Variants in MAPK10 observed in about 807,000 individuals in gnomAD.
MAPK10 encodes the protein mitogen-activated protein kinase 10, also known as JNK3 alpha protein kinase.
Under a neutral mutation model 59.3 loss-of-function variants are expected in MAPK10, and 25 were observed. The observed-to-expected ratio is 0.42, with a 90% CI of 0.31 to 0.59. The LOEUF (loss-of-function observed/expected upper bound fraction) is 0.59. Among genes scored for constraint, MAPK10 ranks in the 20% least tolerant of loss-of-function variants. MAPK10 has a pLI of 0.15. For missense variants in MAPK10, 351 were observed against 568.9 expected (o/e 0.62, Z 3.90); for synonymous variants, 190 against 200.5 (o/e 0.95, Z 0.44).
intron 1 of MAPK10, among the ~76,000 whole-genome samples, chr4:86,447,227 G>T (rs911739974): frequency 2.0e-5 from 3 of 152,118 alleles, no homozygotes; most frequent in African/African-American, 7.2e-5. Context: ...ATTCTGAAGA[G>T]ATCTGATGGT....
chr4:86,587,917 T>C (rs1158964957), intron 1 of MAPK10, among the ~76,000 whole-genome samples: 1 of 152,212 alleles, frequency 6.6e-6, no homozygotes, highest in Admixed American at 6.5e-5. Context: ...CTTGGTAGGC[T>C]GAGGCTGTAG....
chr4:86,571,210 C>A (rs1761419140), intron 1 of MAPK10, among the ~76,000 whole-genome samples: 1 of 146,382 alleles, frequency 6.8e-6, no homozygotes, highest in African/African-American at 2.5e-5. Flanking sequence ...TGATTGGAAT[C>A]TGTAAAAAAT....
chr4:86,093,206 G>A (rs1215554931), intron 9 of MAPK10, among the ~76,000 whole-genome samples: 1 of 151,846 alleles, frequency 6.6e-6, no homozygotes, highest in East Asian at 1.9e-4. Context: ...AAATAATTTT[G>A]AGACTATGTG....
chr4:86,350,286 C>T (rs1262779808), intron 2 of MAPK10, among the ~76,000 whole-genome samples: 1 of 150,732 alleles, frequency 6.6e-6, no homozygotes, highest in African/African-American at 2.4e-5. Context: ...ACGATCGCGG[C>T]TCACTGCAAC....
intron 10 of MAPK10, chr4:86,065,745 G>T (rs1053598606): frequency 1.3e-5 from 2 of 152,080 alleles, no homozygotes; most frequent in African/African-American, 4.8e-5. Context: ...TTACTCAACT[G>T]ATCTGAAAGT....
intron 4 of MAPK10, among the ~76,000 whole-genome samples, chr4:86,133,105 G>T (rs1251964123): frequency 6.6e-6 from 1 of 152,062 alleles, no homozygotes; most frequent in Non-Finnish European, 1.5e-5. Context: ...GTAATGAATT[G>T]TGAAGCTGAA....
At chr4:86,242,929 G>T (rs2092831776) in intron 2 of MAPK10, among the ~76,000 whole-genome samples, 1 of 152,218 alleles carries the variant, frequency 6.6e-6, no homozygotes, top group Non-Finnish European at 1.5e-5. Flanking sequence ...CTGGGGTTGG[G>T]ACGCTAGGCC....
chr4:86,219,195 T>G (rs541531412), intron 2 of MAPK10, among the ~76,000 whole-genome samples: 57 of 152,070 alleles, frequency 3.7e-4, no homozygotes, highest in Non-Finnish European at 1.3e-4. Flanking sequence ...GAGAGAGAGA[T>G]TTCCATGGTA....
chr4:86,366,581 A>C (rs1239952368), intron 1 of MAPK10, among the ~76,000 whole-genome samples: 3 of 152,150 alleles, frequency 2.0e-5, no homozygotes, highest in Admixed American at 2.0e-4. Context: ...GGATGTTAAG[A>C]GACCTAACCC....
chr4:86,266,458 A>G (rs2094241487), intron 2 of MAPK10, among the ~76,000 whole-genome samples: 1 of 152,180 alleles, frequency 6.6e-6, no homozygotes, highest in Admixed American at 6.5e-5. Flanking sequence ...CTAACTGGCA[A>G]TAATATTTGA....
In MAPK10 at chr4:86,163,533, C is replaced by A. The variant is rs550416900; in HGVS notation, c.67-4066G>T. 2.6e-5 allele frequency among the ~76,000 whole-genome samples: 4 copies of A among 151,854 alleles called. No homozygotes were observed. In the East Asian group the frequency reaches 7.7e-4, roughly 29 times the overall value. ...CAAGACAGCAGATTATTTAAACCTA[C>A]AAAGAAAAAAAAATTCATGTTGAGA... is the stretch of plus-strand genomic sequence containing the variant. On this transcript the variant is annotated intron_variant, in intron 3 of 13. Coordinates refer to ENST00000641462, the MANE Select transcript of MAPK10 (RefSeq NM_138982.4).
chr4:86,433,931 T>C (rs1297719954), intron 1 of MAPK10, among the ~76,000 whole-genome samples: 1 of 152,198 alleles, frequency 6.6e-6, no homozygotes, highest in East Asian at 1.9e-4. Flanking sequence ...ATAGAAACTC[T>C]CCACACGTAT....
chr4:86,255,668 A>T (rs1430692924), intron 2 of MAPK10, among the ~76,000 whole-genome samples: 1 of 143,452 alleles, frequency 7.0e-6, no homozygotes, highest in East Asian at 2.4e-4. Flanking sequence ...CAATTGCTAA[A>T]TTCTAGAAAA....
intron 2 of MAPK10, among the ~76,000 whole-genome samples, chr4:86,212,510 G>A (rs988808821): frequency 3.3e-5 from 5 of 152,104 alleles, no homozygotes; most frequent in African/African-American, 1.2e-4. Context: ...AACAAAGTGA[G>A]ACCCTGTCTT....
At chr4:86,514,595 ACAAT>A (rs1183660834) in intron 1 of MAPK10, among the ~76,000 whole-genome samples, 2 of 152,208 alleles carry the variant, frequency 1.3e-5, no homozygotes, top group African/African-American at 2.4e-5. Flanking sequence ...ACAAGAAGTA[ACAAT>A]CAATTTTCTA....
At chr4:86,278,093 T>A (rs1248805516) in intron 2 of MAPK10, among the ~76,000 whole-genome samples, 1 of 152,156 alleles carries the variant, frequency 6.6e-6, no homozygotes, top group Non-Finnish European at 1.5e-5. Context: ...ATACTTTGTC[T>A]ACATCACTAT....
intron 3 of MAPK10, among the ~76,000 whole-genome samples, chr4:86,189,084 T>C (rs191302970): frequency 2.4e-4 from 36 of 152,334 alleles, no homozygotes; most frequent in Non-Finnish European, 4.7e-4. Context: ...GAGGCCTCTG[T>C]TCTGTTCCAT....
chr4:86,322,608 G>C (rs1344143314), intron 2 of MAPK10, among the ~76,000 whole-genome samples: 2 of 152,190 alleles, frequency 1.3e-5, no homozygotes, highest in Non-Finnish European at 2.9e-5. Flanking sequence ...TTGTTTGTAT[G>C]ACTAAGTGCC....
intron 1 of MAPK10, among the ~76,000 whole-genome samples, chr4:86,434,680 C>T (rs575778648): frequency 2.6e-5 from 4 of 152,288 alleles, no homozygotes; most frequent in Middle Eastern, 3.4e-3. Flanking sequence ...GGGGAAACCT[C>T]GTACGCTGTT....
Sources: gnomAD v4.1 joint callset for allele counts (sites outside exome capture counted in the v4.1 genomes callset) on GRCh38, gnomAD v4.1.1 for gene constraint, MANE v1.5 for transcripts, NCBI Gene and HGNC (gene_info 2026-07-23, HGNC 2026-07-21) for gene names.